TTLL3: variants seen among roughly 807,000 people sequenced by gnomAD.
TTLL3 encodes tubulin monoglycylase TTLL3.
A neutral mutation model predicts 75.2 loss-of-function variants in TTLL3; 63 were observed. The ratio of observed to expected loss-of-function variants is 0.84; its 90% CI spans 0.68 to 1.03. The LOEUF (loss-of-function observed/expected upper bound fraction) is 1.03. Among genes scored for constraint, TTLL3 ranks in the 50% least tolerant of loss-of-function variants. The pLI is 0.00. For missense variants in TTLL3, 997 were observed against 1,069.9 expected, an observed-to-expected ratio of 0.93 and a Z score of 0.95; for synonymous variants, 393 against 418.5, an observed-to-expected ratio of 0.94 and a Z score of 0.74.
In TTLL3 at chr3:9,818,915, C is replaced by CCTCAGGTAAG; in HGVS notation, c.654_658+5dup. The CCTCAGGTAAG allele has an allele frequency of 6.2e-7, 1 of 1,614,094 alleles. No homozygotes were observed. Among genetic ancestry groups the CCTCAGGTAAG allele is most frequent in the Non-Finnish European group, 8.5e-7 (1 of 1,180,002 alleles). ...CCTATTCAGGCAGTAGAGGAAGAGG[C>CCTCAGGTAAG]CTCAGGTAAGTACTGTGGTTACCTC... On this transcript the variant is annotated frameshift_variant, in exon 7 of 14. Transcript: ENST00000685419. LOFTEE classifies it high-confidence loss of function.
intron 9 of TTLL3, among the ~76,000 whole-genome samples, chr3:9,826,728 A>G (rs2081081240): frequency 6.8e-6 from 1 of 146,452 alleles, no homozygotes; most frequent in Non-Finnish European, 1.5e-5. Flanking sequence ...GCTGTCTCAA[A>G]AAAAAAAAAA....
chr3:9,819,161 T>C, intron 7 of TTLL3: 1 of 545,756 alleles, frequency 1.8e-6, no homozygotes. Flanking sequence ...CCACTCATCC[T>C]TCCATCCTCC....
At position 9,828,967 on chromosome 3, in the gene TTLL3, C is replaced by A. The variant is rs1302441741; in HGVS notation, c.1255C>A (p.His419Asn). The part of the protein sequence containing the change: ...FSLKNLDNSV[H>N]LCNNSIQKHL... ...TTCTGTTCTCTGCCCCAGCTCAGTGCACCTGTGCAACAACTCCATCCAGAA... is the reference window on the plus strand; with the variant it reads ...TTCTGTTCTCTGCCCCAGCTCAGTGAACCTGTGCAACAACTCCATCCAGAA... Residue 419 changes from histidine (H) to asparagine (N), a missense_variant, in exon 11 of 14, where the codon CAC becomes AAC. Coordinates refer to ENST00000685419, the MANE Select transcript of TTLL3 (RefSeq NM_001387446.1). 6.2e-7 allele frequency: 1 copy of A among 1,614,090 alleles called. No individual in the cohort carries two copies. Among genetic ancestry groups the A allele is most frequent in the African/African-American group, 1.3e-5 (1 of 74,930 alleles).
intron 11 of TTLL3, among the ~76,000 whole-genome samples, chr3:9,832,780 A>C (rs959725073): frequency 6.6e-6 from 1 of 152,252 alleles, no homozygotes; most frequent in Non-Finnish European, 1.5e-5. Flanking sequence ...GGCTCAGCTC[A>C]GGAAGCTGTC....
At chr3:9,812,597 A>C (rs1409426983) in intron 2 of TTLL3, among the ~76,000 whole-genome samples, 1 of 152,016 alleles carries the variant, frequency 6.6e-6, no homozygotes, top group Non-Finnish European at 1.5e-5. Context: ...GCTTGAACCC[A>C]GGAGGAAGAG....
intron 6 of TTLL3, chr3:9,817,997 CAGGTTCTAAA>C: frequency 4.0e-6 from 2 of 496,656 alleles, no homozygotes; most frequent in Non-Finnish European, 7.1e-6. Context: ...TATTCTAGAG[CAGGTTCTAAA>C]AGTTGGTCAG....
intron 10 of TTLL3, chr3:9,828,006 T>C (rs2124942535): frequency 6.6e-6 from 1 of 152,068 alleles, no homozygotes; most frequent in East Asian, 1.9e-4. Flanking sequence ...GCCGGGCGTG[T>C]TGGCGGGCGC....
In TTLL3 at chr3:9,835,412, C is replaced by T. The variant is rs1421218259; in HGVS notation, c.2371C>T (p.Leu791Phe). The change falls in exon 14 of 14, where the codon CTT becomes TTT. Residue 791 changes from leucine to phenylalanine, a missense_variant. Transcript: ENST00000685419. ...AAAGAAACAAGTGAAGTATTTGGGG[C>T]TTGACTCCATTGCTGTTGGAGGGTC... ...NKKKQVKYLG[L>F]DSIAVGGSRV... The T allele has an allele frequency of 5.0e-6, 8 of 1,613,180 alleles. No individual in the cohort carries two copies. In the South Asian group the frequency reaches 8.8e-5, roughly 18 times the overall value.
Position 9,829,147 on chromosome 3 carries a change from C to A in TTLL3, c.1435C>A (p.Leu479Ile). ...CATGAAGGATGCTGTGATCCACGCA[C>A]TTCAGACCTCCCAGGACACCGTGCA... ...PGMKDAVIHA[L>I]QTSQDTVQCR... The change falls in exon 11 of 14, where the codon CTT becomes ATT. Residue 479 changes from leucine (L) to isoleucine (I), a missense_variant. Physicochemically the swap from Leu to Ile is conservative, Grantham distance 5. Transcript: ENST00000685419. 1 of 1,614,242 alleles carries A rather than the reference C, an allele frequency of 6.2e-7. No individual in the cohort carries two copies. Among genetic ancestry groups the A allele is most frequent in the Non-Finnish European group, 8.5e-7 (1 of 1,180,040 alleles).
Position 9,820,490 on chromosome 3 carries a change from T to C in TTLL3, c.659-56T>C, listed in dbSNP as rs2080309149. 4 of 1,599,374 alleles carry C rather than the reference T, an allele frequency of 2.5e-6. No homozygotes were observed. The South Asian group carries it at 3.4e-5, about 14-fold the overall frequency. On this transcript the variant is annotated intron_variant, in intron 7 of 13. Transcript: ENST00000685419. ...CCTTAGGACAATGGGGGCTGTGGCA[T>C]GCGTCAGGTTACCTGCCTTGATATG... is the stretch of plus-strand genomic sequence containing the variant.
intron 10 of TTLL3, chr3:9,828,466 A>G (rs1399788364): frequency 6.2e-6 from 1 of 160,718 alleles, no homozygotes; most frequent in Non-Finnish European, 1.4e-5. Flanking sequence ...TCTCATTCTT[A>G]ATAAGAACCC....
At chr3:9,812,162 C>T (rs901224364) in intron 2 of TTLL3, among the ~76,000 whole-genome samples, 6 of 152,098 alleles carry the variant, frequency 3.9e-5, no homozygotes, top group Non-Finnish European at 8.8e-5. Context: ...CACTTGAGGC[C>T]AGGAGTTGGA....
Position 9,825,555 on chromosome 3 carries a change from G to A in TTLL3, c.855-245G>A. 5 of 582,314 alleles carry A rather than the reference G, an allele frequency of 8.6e-6. No individual in the cohort carries two copies. In the South Asian group the frequency reaches 9.5e-5, roughly 11 times the overall value. 36.1% of individuals were successfully genotyped at this position (582,314 alleles called of 1,614,324 possible). A position where few individuals can be genotyped will look rare whatever the true frequency, so the allele number is the denominator to read the frequency against. On this transcript the variant is annotated intron_variant, in intron 8 of 13. Transcript: ENST00000685419. ...GGCACAGGTGGAGTGTTGGAGTAGGGGGTGGTTTGCAGTTAATGGAATTTT... is the reference window on the plus strand; with the variant it reads ...GGCACAGGTGGAGTGTTGGAGTAGGAGGTGGTTTGCAGTTAATGGAATTTT...
intron 8 of TTLL3, among the ~76,000 whole-genome samples, chr3:9,822,625 G>A (rs1199355182): frequency 1.3e-5 from 2 of 151,486 alleles, no homozygotes; most frequent in Non-Finnish European, 2.9e-5. Flanking sequence ...CCAGGCTCAA[G>A]TGATTTTCCC....
chr3:9,810,806 A>C lies in TTLL3; in HGVS notation c.48+97A>C. 1 of 1,171,918 alleles carries C rather than the reference A, an allele frequency of 8.5e-7. No individual in the cohort carries two copies. The highest frequency in any genetic ancestry group is 1.2e-6 in the Non-Finnish European group (1 of 844,992). 72.6% of individuals were successfully genotyped at this position (1,171,918 alleles called of 1,614,324 possible). A position where few individuals can be genotyped will look rare whatever the true frequency, so the allele number is the denominator to read the frequency against. On this transcript the variant is annotated intron_variant, in intron 2 of 13. Transcript: ENST00000685419. The surrounding 1 kb of genome is among the most constrained non-coding windows in gnomAD (Gnocchi z 4.4). ...TTATATCCTTAAAAAACAAAAGCAA[A>C]AGAAAAAACAATAGCAAAAATCCTC...
chr3:9,812,595 C>G lies in TTLL3; in HGVS notation c.49-348C>G, dbSNP rs1001273677. Among the ~76,000 whole-genome samples the G allele has an allele frequency of 2.0e-5, 3 of 152,066 alleles. No homozygotes were observed. The East Asian group carries it at 5.8e-4, about 29-fold the overall frequency. On this transcript the variant is annotated intron_variant, in intron 2 of 13. Transcript: ENST00000685419. ...ACTGAGGCAAGAGAATCGCTTGAAC[C>G]CAGGAGGAAGAGGGTGCAGTGAGCC...
intron 10 of TTLL3, chr3:9,827,694 A>G: frequency 4.9e-6 from 1 of 203,866 alleles, no homozygotes; most frequent in Non-Finnish European, 1.0e-5. Flanking sequence ...GGCCCCTCCA[A>G]CAGATTTGAC....
At position 9,827,344 on chromosome 3, in the gene TTLL3, C is replaced by T. The variant is rs190595888; in HGVS notation, c.1247+104C>T. The T allele has an allele frequency of 2.0e-6, 3 of 1,517,078 alleles. No individual in the cohort carries two copies. The African/African-American group carries it at 4.1e-5, about 21-fold the overall frequency. 94.0% of individuals were successfully genotyped at this position (1,517,078 alleles called of 1,614,324 possible). A position where few individuals can be genotyped will look rare whatever the true frequency, so the allele number is the denominator to read the frequency against. ...GGGACTCGCGCAGCAGCGCTAGGCT[C>T]CACACACAGACTGCAGGCAGGCAGG... On this transcript the variant is annotated intron_variant, in intron 10 of 13. Transcript: ENST00000685419.
chr3:9,811,827 A>G (rs2079380570), intron 2 of TTLL3, among the ~76,000 whole-genome samples: 1 of 152,126 alleles, frequency 6.6e-6, no homozygotes, highest in Non-Finnish European at 1.5e-5. Context: ...GCCTTTGCAC[A>G]TGCATTCCCC....
Sources: gnomAD v4.1 joint callset for allele counts (sites outside exome capture counted in the v4.1 genomes callset) on GRCh38, gnomAD v4.1.1 for gene constraint, Gnocchi (gnomAD v3.1) non-coding constraint, MANE v1.5 for transcripts, NCBI Gene and HGNC (gene_info 2026-07-23, HGNC 2026-07-21) for gene names.